Variants in CDK8 observed in about 807,000 individuals in gnomAD.
The protein encoded by CDK8 is cyclin-dependent kinase 8.
In CDK8, 29 loss-of-function variants were observed where a neutral mutation model predicts 71.5. The ratio of observed to expected loss-of-function variants is 0.41; its 90% CI spans 0.30 to 0.55. The LOEUF is 0.55. Ranked by LOEUF, CDK8 falls within the 20% of genes least tolerant of loss-of-function variation. The pLI, the probability that CDK8 is intolerant of heterozygous loss-of-function variation, is 0.37. For synonymous variants in CDK8, 161 were observed against 192.1 expected (o/e 0.84, Z 1.34); for missense variants, 288 against 572.6 (o/e 0.50, Z 5.07).
chr13:26,329,277 C>T (rs1052594860), intron 1 of CDK8, among the ~76,000 whole-genome samples: 1 of 152,002 alleles, frequency 6.6e-6, no homozygotes, highest in African/African-American at 2.4e-5. Context: ...TTTCATCTTA[C>T]TCCTCCCATC....
chr13:26,351,727 A>G (rs4770971), intron 3 of CDK8, among the ~76,000 whole-genome samples: 135,254 of 152,158 alleles, frequency 0.89, 60,383 homozygotes, highest in East Asian at 0.99. Context: ...AGCCAAATAA[A>G]TATTTTTAAT....
At chr13:26,262,404 G>T (rs1009366956) in intron 1 of CDK8, among the ~76,000 whole-genome samples, 1 of 149,916 alleles carries the variant, frequency 6.7e-6, no homozygotes. Flanking sequence ...GTGTGTGTGT[G>T]TATCTGAAAT....
At chr13:26,375,893 T>C (rs1874923125) in intron 4 of CDK8, among the ~76,000 whole-genome samples, 2 of 152,234 alleles carry the variant, frequency 1.3e-5, no homozygotes, top group Non-Finnish European at 1.5e-5. Flanking sequence ...GGAAATTATA[T>C]GGTGCATGTA....
chr13:26,338,829 G>A (rs879705341), intron 2 of CDK8, among the ~76,000 whole-genome samples: 1 of 152,074 alleles, frequency 6.6e-6, no homozygotes, highest in Non-Finnish European at 1.5e-5. Context: ...ACCCTTGGAG[G>A]GAATACAGAG....
At position 26,397,138 on chromosome 13, in the gene CDK8, G is replaced by A. The variant is rs1462742298; in HGVS notation, c.861-15G>A. ...TCAAGTCTAATATAGCTATTTCATAGTATTTCTCTTTCAGGTATACCAACT... is the reference window on the plus strand; with the variant it reads ...TCAAGTCTAATATAGCTATTTCATAATATTTCTCTTTCAGGTATACCAACT... On this transcript the variant is annotated splice_polypyrimidine_tract_variant and intron_variant, in intron 8 of 12. Transcript: ENST00000381527. 5 of 1,462,502 alleles carry A rather than the reference G, an allele frequency of 3.4e-6. No homozygotes were observed. Among genetic ancestry groups the A allele is most frequent in the East Asian group, 2.3e-5 (1 of 43,966 alleles). 90.6% of individuals were successfully genotyped at this position (1,462,502 alleles called of 1,614,324 possible). A position where few individuals can be genotyped will look rare whatever the true frequency, so the allele number is the denominator to read the frequency against.
intron 3 of CDK8, among the ~76,000 whole-genome samples, chr13:26,350,628 C>T (rs1873645382): frequency 6.6e-6 from 1 of 152,106 alleles, no homozygotes; most frequent in Non-Finnish European, 1.5e-5. Flanking sequence ...GACAGGGTTT[C>T]ACCATGTTGG....
At chr13:26,286,010 A>G (rs1002893453) in intron 1 of CDK8, among the ~76,000 whole-genome samples, 1 of 152,234 alleles carries the variant, frequency 6.6e-6, no homozygotes, top group Non-Finnish European at 1.5e-5. Context: ...GAAATCATAG[A>G]TGACTCAAAC....
intron 1 of CDK8, among the ~76,000 whole-genome samples, chr13:26,281,153 C>A (rs138126077): frequency 6.6e-6 from 1 of 152,208 alleles, no homozygotes; most frequent in Non-Finnish European, 1.5e-5. Flanking sequence ...CTCCATGTGA[C>A]AACACTGCTA....
chr13:26,403,400 CAA>C (rs1182834072), intron 12 of CDK8, among the ~76,000 whole-genome samples: 1 of 151,714 alleles, frequency 6.6e-6, no homozygotes, highest in Non-Finnish European at 1.5e-5. Context: ...ATAATCCTAG[CAA>C]TGATTATACC....
chr13:26,278,760 TAC>T (rs1417264593), intron 1 of CDK8, among the ~76,000 whole-genome samples: 1 of 152,214 alleles, frequency 6.6e-6, no homozygotes, highest in Non-Finnish European at 1.5e-5. Context: ...AGACAGAATA[TAC>T]AGTTGACCCT....
chr13:26,267,925 C>G (rs1872100070), intron 1 of CDK8, among the ~76,000 whole-genome samples: 1 of 152,094 alleles, frequency 6.6e-6, no homozygotes, highest in Non-Finnish European at 1.5e-5. Context: ...GGAGTTTTAT[C>G]CCTCCTGGCT....
In CDK8 at chr13:26,401,698, TTTAA is replaced by T. The variant is rs1197968465; in HGVS notation, c.1269+77_1269+80del. The T allele has an allele frequency of 6.3e-5, 92 of 1,468,616 alleles. 1 individual carries two copies. The South Asian group carries it at 1.0e-3, about 16-fold the overall frequency. The allele number at this position is 1,468,616 out of a possible 1,614,324, so 91.0% of individuals were successfully genotyped here. On this transcript the variant is annotated intron_variant, in intron 12 of 12. Coordinates refer to ENST00000381527, the MANE Select transcript of CDK8 (RefSeq NM_001260.3). The surrounding 1 kb of genome is among the most constrained non-coding windows in gnomAD (Gnocchi z 4.5). ...GGTTTATGATCGTGGGAAAATGTGA[TTTAA>T]TTGAGAAATACTGACGTCTGTATAC...
chr13:26,291,740 TACATAG>T (rs1243549718), intron 1 of CDK8, among the ~76,000 whole-genome samples: 1 of 152,244 alleles, frequency 6.6e-6, no homozygotes, highest in Non-Finnish European at 1.5e-5. Context: ...TTGGTTCTGT[TACATAG>T]TTTTCCCCAT....
chr13:26,363,867 T>C (rs1403457471), intron 4 of CDK8, among the ~76,000 whole-genome samples: 1 of 152,218 alleles, frequency 6.6e-6, no homozygotes, highest in Non-Finnish European at 1.5e-5. Context: ...GGGCACACTT[T>C]ATCAAGGCAT....
At chr13:26,373,291 T>C (rs572589071) in intron 4 of CDK8, among the ~76,000 whole-genome samples, 1 of 152,304 alleles carries the variant, frequency 6.6e-6, no homozygotes, top group South Asian at 2.1e-4. Context: ...CTGTCTTCCT[T>C]ATGTGATAGA....
In CDK8 at chr13:26,337,562, T is replaced by C. The variant is rs777993217; in HGVS notation, c.129-5T>C. On this transcript the variant is annotated splice_polypyrimidine_tract_variant and splice_region_variant and intron_variant, in intron 1 of 12. Transcript: ENST00000381527. ...CTATATATTAAAATAACTTTGTTTT[T>C]ACAGGAAGGATGATAAAGACTATGC... The C allele has an allele frequency of 7.4e-7, 1 of 1,350,138 alleles. No homozygotes were observed. Among genetic ancestry groups the C allele is most frequent in the Non-Finnish European group, 9.9e-7 (1 of 1,013,448 alleles). 83.6% of individuals were successfully genotyped at this position (1,350,138 alleles called of 1,614,324 possible).
rs139699068 is a variant in CDK8 at position 26,282,837 on chromosome 13, G to T, written c.128+28068G>T. ...TCAAGAGACTCACCTAACACATAAGGACTCACATAAACTTAAGGTAAAAGG... is the reference window on the plus strand; with the variant it reads ...TCAAGAGACTCACCTAACACATAAGTACTCACATAAACTTAAGGTAAAAGG... On this transcript the variant is annotated intron_variant, in intron 1 of 12. Coordinates refer to ENST00000381527, the MANE Select transcript of CDK8 (RefSeq NM_001260.3). 4.5e-3 allele frequency among the ~76,000 whole-genome samples: 675 copies of T among 150,188 alleles called. 4 individuals carry two copies. The highest frequency in any genetic ancestry group is 0.016 in the African/African-American group (637 of 41,068).
intron 1 of CDK8, among the ~76,000 whole-genome samples, chr13:26,313,112 C>T (rs528877358): frequency 6.6e-6 from 1 of 152,296 alleles, no homozygotes; most frequent in African/African-American, 2.4e-5. Flanking sequence ...TCACCTGGAA[C>T]ATGTTTGTAC....
chr13:26,329,469 G>GTTTTTTT (rs35796023), intron 1 of CDK8, among the ~76,000 whole-genome samples: 3 of 71,576 alleles, frequency 4.2e-5, no homozygotes, highest in African/African-American at 1.2e-4. Context: ...GCCTATTTCT[G>GTTTTTTT]TTTTTTTTTT....
Sources: allele counts gnomAD v4.1 joint callset (sites outside exome capture counted in the v4.1 genomes callset), GRCh38; gene constraint gnomAD v4.1.1; non-coding constraint Gnocchi (gnomAD v3.1); transcripts MANE v1.5; gene names NCBI Gene and HGNC (gene_info 2026-07-23, HGNC 2026-07-21).